The following RBMS3 variants were observed in gnomAD, a reference collection of about 807,000 sequenced individuals.
The protein encoded by RBMS3 is RNA-binding motif, single-stranded-interacting protein 3.
In RBMS3, 27 loss-of-function variants were observed where a neutral mutation model predicts 66.8. The ratio of observed to expected loss-of-function variants is 0.40; its 90% CI spans 0.30 to 0.56. RBMS3 has a LOEUF of 0.56. Ranked by LOEUF, RBMS3 falls within the 20% of genes least tolerant of loss-of-function variation. The pLI is 0.40. For missense variants in RBMS3, 513 were observed against 549.5 expected, an observed-to-expected ratio of 0.93 and a Z score of 0.66; for synonymous variants, 188 against 183.0, an observed-to-expected ratio of 1.03 and a Z score of -0.22.
At chr3:29,842,460 C>T (rs574116578) in intron 6 of RBMS3, among the ~76,000 whole-genome samples, 66 of 152,136 alleles carry the variant, frequency 4.3e-4, no homozygotes, top group Non-Finnish European at 7.9e-4. Flanking sequence ...TTATATGAAA[C>T]GATTTAATGG....
At chr3:29,299,042 C>G (rs955565200) in intron 1 of RBMS3, among the ~76,000 whole-genome samples, 1 of 151,808 alleles carries the variant, frequency 6.6e-6, no homozygotes, top group Non-Finnish European at 1.5e-5. Flanking sequence ...AATGCTAAGT[C>G]ATGCGACATT....
chr3:29,644,427 C>T (rs2149202232), intron 4 of RBMS3, among the ~76,000 whole-genome samples: 1 of 152,284 alleles, frequency 6.6e-6, no homozygotes, highest in South Asian at 2.1e-4. Flanking sequence ...CATGCACAGA[C>T]AAGAACTGTT....
At chr3:29,310,049 T>A (rs1480005506) in intron 1 of RBMS3, among the ~76,000 whole-genome samples, 1 of 151,476 alleles carries the variant, frequency 6.6e-6, no homozygotes, top group Non-Finnish European at 1.5e-5. Context: ...GAATAGGAGA[T>A]GTGAGAACGT....
At chr3:29,295,579 C>A (rs966180438) in intron 1 of RBMS3, among the ~76,000 whole-genome samples, 2 of 151,208 alleles carry the variant, frequency 1.3e-5, no homozygotes, top group Non-Finnish European at 3.0e-5. Flanking sequence ...ATTCTATATG[C>A]TCTTGCAAAT....
rs1289185431 is a variant in RBMS3, at chr3:29,310,491, G to C, written c.75+28735G>C. 4.7e-5 allele frequency among the ~76,000 whole-genome samples: 7 copies of C among 149,290 alleles called. No individual in the cohort carries two copies. In the South Asian group the frequency reaches 1.5e-3, roughly 32 times the overall value. On this transcript the variant is annotated intron_variant, in intron 1 of 14. Transcript: ENST00000383767. ...AACACTTAAATACACTTGAATCTGA[G>C]ATTTCAATCTTCTGTATTTTTTTTT... is the stretch of plus-strand genomic sequence containing the variant.
intron 4 of RBMS3, among the ~76,000 whole-genome samples, chr3:29,637,088 C>G (rs2049504738): frequency 1.3e-5 from 2 of 151,832 alleles, no homozygotes; most frequent in Admixed American, 1.3e-4. Flanking sequence ...TACAATGATG[C>G]CACTCAAAAT....
intron 3 of RBMS3, among the ~76,000 whole-genome samples, chr3:29,516,399 T>C (rs902255501): frequency 9.9e-5 from 15 of 152,124 alleles, no homozygotes; most frequent in African/African-American, 3.6e-4. Flanking sequence ...AGAAAACACA[T>C]AGAGTGGCAT....
At chr3:29,423,030 C>T (rs759884759) in intron 1 of RBMS3, among the ~76,000 whole-genome samples, 1 of 152,116 alleles carries the variant, frequency 6.6e-6, no homozygotes, top group Non-Finnish European at 1.5e-5. Flanking sequence ...CTGAATTGCC[C>T]TGGTAATTCA....
chr3:29,769,234 A>G (rs541217291), intron 6 of RBMS3, among the ~76,000 whole-genome samples: 1 of 152,022 alleles, frequency 6.6e-6, no homozygotes, highest in African/African-American at 2.4e-5. Flanking sequence ...TGGCATGGCC[A>G]ACTTGAGAAC....
intron 12 of RBMS3, among the ~76,000 whole-genome samples, chr3:29,946,740 A>G (rs768961183): frequency 7.9e-5 from 12 of 151,652 alleles, no homozygotes; most frequent in Non-Finnish European, 1.5e-4. Flanking sequence ...GTAAGGATTT[A>G]AGAAGAACAG....
intron 6 of RBMS3, among the ~76,000 whole-genome samples, chr3:29,868,027 A>G (rs1033969091): frequency 6.6e-6 from 1 of 151,732 alleles, no homozygotes; most frequent in African/African-American, 2.4e-5. Flanking sequence ...AACAAGCAGC[A>G]ATTTTCCAGT....
chr3:29,779,565 A>G (rs965387038), intron 6 of RBMS3, among the ~76,000 whole-genome samples: 4 of 151,394 alleles, frequency 2.6e-5, no homozygotes, highest in African/African-American at 7.3e-5. Context: ...TCTTAAAAAA[A>G]CAATTACCAC....
intron 1 of RBMS3, among the ~76,000 whole-genome samples, chr3:29,296,238 C>G (rs2033253724): frequency 6.6e-6 from 1 of 151,788 alleles, no homozygotes; most frequent in Non-Finnish European, 1.5e-5. Context: ...CAGCAGCAGT[C>G]AAGGACAATG....
intron 4 of RBMS3, among the ~76,000 whole-genome samples, chr3:29,608,914 TA>T (rs2048399930): frequency 6.6e-6 from 1 of 151,990 alleles, no homozygotes; most frequent in Non-Finnish European, 1.5e-5. Context: ...TCTCTTATGT[TA>T]ATAGAAAGTG....
chr3:29,931,754 A>G (rs1277340420), intron 10 of RBMS3, among the ~76,000 whole-genome samples: 1 of 152,222 alleles, frequency 6.6e-6, no homozygotes, highest in East Asian at 1.9e-4. Flanking sequence ...GCATTTGGAC[A>G]GCTATTCCTC....
Position 29,772,159 on chromosome 3 carries a change from CAA to C in RBMS3, c.637+9172_637+9173del, listed in dbSNP as rs541642505. 7.2e-3 allele frequency among the ~76,000 whole-genome samples: 1,093 copies of C among 152,082 alleles called. 9 individuals are homozygous for C. The highest frequency in any genetic ancestry group is 9.4e-3 in the Non-Finnish European group (641 of 67,920). On this transcript the variant is annotated intron_variant, in intron 6 of 14. Coordinates refer to ENST00000383767, the MANE Select transcript of RBMS3 (RefSeq NM_001003793.3). ...GGCAGCCTTTGGAAGCTGAAAAAGG[CAA>C]AGACTTGGATTTCCCCCCTAGAGCC... is the stretch of plus-strand genomic sequence containing the variant.
chr3:29,791,884 A>C (rs2057024193), intron 6 of RBMS3, among the ~76,000 whole-genome samples: 1 of 152,200 alleles, frequency 6.6e-6, no homozygotes, highest in Non-Finnish European at 1.5e-5. Flanking sequence ...CTATCATATA[A>C]TGGTTATTCT....
At chr3:29,368,484 G>T (rs1559523148) in intron 1 of RBMS3, among the ~76,000 whole-genome samples, 1 of 151,668 alleles carries the variant, frequency 6.6e-6, no homozygotes, top group Non-Finnish European at 1.5e-5. Context: ...TTTGTTGAAT[G>T]AATTCCTGAA....
chr3:29,654,733 G>A (rs1037366457), intron 4 of RBMS3, among the ~76,000 whole-genome samples: 1 of 151,212 alleles, frequency 6.6e-6, no homozygotes, highest in African/African-American at 2.4e-5. Flanking sequence ...TGGAATACAG[G>A]CACACATCAC....
Sources: gnomAD v4.1 joint callset for allele counts (sites outside exome capture counted in the v4.1 genomes callset) on GRCh38, gnomAD v4.1.1 for gene constraint, MANE v1.5 for transcripts, NCBI Gene and HGNC (gene_info 2026-07-23, HGNC 2026-07-21) for gene names.